Variants in COMMD10 observed in about 807,000 individuals in gnomAD.
COMMD10 encodes COMM domain-containing protein 10.
Under a neutral mutation model 28.9 loss-of-function variants are expected in COMMD10, and 33 were observed. That is an observed-to-expected ratio of 1.14 (90% CI 0.87 to 1.53). COMMD10 has a LOEUF of 1.53. Among genes scored for constraint, COMMD10 ranks in the 40% most tolerant of loss-of-function variants. COMMD10 has a pLI of 0.00. For missense variants in COMMD10, 310 were observed against 233.4 expected, an observed-to-expected ratio of 1.33 and a Z score of -2.14; for synonymous variants, 110 against 81.7, an observed-to-expected ratio of 1.35 and a Z score of -1.87.
chr5:116,274,077 A>G (rs908399256), intron 5 of COMMD10, among the ~76,000 whole-genome samples: 13 of 151,698 alleles, frequency 8.6e-5, no homozygotes, highest in African/African-American at 2.9e-4. Context: ...AACCTTTCCT[A>G]TAAAACAGCA....
intron 5 of COMMD10, among the ~76,000 whole-genome samples, chr5:116,158,991 A>G (rs144464684): frequency 1.3e-5 from 2 of 152,142 alleles, no homozygotes; most frequent in Admixed American, 1.3e-4. Flanking sequence ...AATGTAGTCC[A>G]GGAAATTTTA....
At chr5:116,191,327 G>A (rs1748364148) in intron 5 of COMMD10, among the ~76,000 whole-genome samples, 1 of 152,060 alleles carries the variant, frequency 6.6e-6, no homozygotes, top group Non-Finnish European at 1.5e-5. Context: ...AAATCTGGAG[G>A]GCACACTCAA....
intron 5 of COMMD10, among the ~76,000 whole-genome samples, chr5:116,288,493 G>T (rs1449102754): frequency 6.6e-6 from 1 of 151,730 alleles, no homozygotes; most frequent in Middle Eastern, 3.2e-3. Context: ...TCCACAGATT[G>T]GGGAAGTTTT....
intron 5 of COMMD10, among the ~76,000 whole-genome samples, chr5:116,173,922 A>G (rs1318508253): frequency 2.0e-5 from 3 of 151,844 alleles, no homozygotes; most frequent in African/African-American, 7.3e-5. Context: ...TTATTCAACA[A>G]ACATCTATTG....
At chr5:116,246,643 A>G (rs560892480) in intron 5 of COMMD10, among the ~76,000 whole-genome samples, 1 of 152,254 alleles carries the variant, frequency 6.6e-6, no homozygotes, top group African/African-American at 2.4e-5. Flanking sequence ...AAAAAGACAC[A>G]TAGCCTAATG....
In COMMD10 at chr5:116,221,081, CTT is replaced by C. The variant is rs70978610; in HGVS notation, c.511-70420_511-70419del. Among the ~76,000 whole-genome samples the C allele has an allele frequency of 4.8e-3, 691 of 142,490 alleles. 3 individuals carry two copies. The highest frequency in any genetic ancestry group is 0.029 in the East Asian group (144 of 4,882). 93.5% of individuals were successfully genotyped at this position (142,490 alleles called of 152,430 possible). On this transcript the variant is annotated intron_variant, in intron 5 of 6. Transcript: ENST00000274458. ...CATTAAGTTTTCCCTTTGAGATACT[CTT>C]TTTTTTTTTTTTTTTAACTGTTCCA... is the stretch of plus-strand genomic sequence containing the variant.
rs935525275 is a variant in COMMD10 at position 116,111,084 on chromosome 5, C to G, written c.399+18384C>G. On this transcript the variant is annotated intron_variant, in intron 4 of 6. Transcript: ENST00000274458. Reference sequence around the variant, plus strand: ...TGAACATGTAGTTGTTCATAATAGTCTCTGATGATCTTTTGAATTTTTCTC... The same window carrying G: ...TGAACATGTAGTTGTTCATAATAGTGTCTGATGATCTTTTGAATTTTTCTC... Among the ~76,000 whole-genome samples, 8 of 152,144 alleles carry G rather than the reference C, an allele frequency of 5.3e-5. No individual in the cohort carries two copies. In the East Asian group the frequency reaches 1.5e-3, roughly 29 times the overall value.
chr5:116,208,167 A>G (rs1030722138), intron 5 of COMMD10, among the ~76,000 whole-genome samples: 2 of 152,162 alleles, frequency 1.3e-5, no homozygotes, highest in Non-Finnish European at 2.9e-5. Flanking sequence ...CAATGCATGT[A>G]AAACATTTGG....
chr5:116,112,075 T>C (rs1751062449), intron 4 of COMMD10, among the ~76,000 whole-genome samples: 1 of 152,218 alleles, frequency 6.6e-6, no homozygotes, highest in Non-Finnish European at 1.5e-5. Flanking sequence ...AGGACTCCTT[T>C]GAACATTTCT....
At chr5:116,128,424 CAG>C (rs1751734287) in intron 4 of COMMD10, among the ~76,000 whole-genome samples, 1 of 151,820 alleles carries the variant, frequency 6.6e-6, no homozygotes, top group South Asian at 2.1e-4. Context: ...TAAGGACCCT[CAG>C]ATTTAAATTT....
intron 5 of COMMD10, among the ~76,000 whole-genome samples, chr5:116,227,895 A>T (rs887353123): frequency 6.6e-6 from 1 of 152,108 alleles, no homozygotes; most frequent in Non-Finnish European, 1.5e-5. Context: ...AAAATCACTT[A>T]TCACACTGCA....
intron 5 of COMMD10, among the ~76,000 whole-genome samples, chr5:116,201,504 A>G (rs1748664975): frequency 6.6e-6 from 1 of 152,196 alleles, no homozygotes; most frequent in Non-Finnish European, 1.5e-5. Flanking sequence ...TTTCTACTCC[A>G]ATAAGTTACA....
chr5:116,284,122 A>T (rs1461122392), intron 5 of COMMD10, among the ~76,000 whole-genome samples: 6 of 151,750 alleles, frequency 4.0e-5, no homozygotes, highest in Non-Finnish European at 8.8e-5. Flanking sequence ...ACAGAGCAAG[A>T]CCCCATCTCA....
intron 5 of COMMD10, among the ~76,000 whole-genome samples, chr5:116,142,687 T>C (rs992632447): frequency 1.3e-5 from 2 of 151,740 alleles, no homozygotes; most frequent in African/African-American, 4.8e-5. Flanking sequence ...AGCCCAGATA[T>C]TTTTGTAATA....
At chr5:116,135,981 T>C (rs1327457229) in intron 5 of COMMD10, among the ~76,000 whole-genome samples, 2 of 152,208 alleles carry the variant, frequency 1.3e-5, no homozygotes, top group African/African-American at 4.8e-5. Flanking sequence ...ACCTAGTATA[T>C]GTAAAGTGTT....
intron 5 of COMMD10, among the ~76,000 whole-genome samples, chr5:116,134,382 A>C (rs906784636): frequency 2.0e-5 from 3 of 151,656 alleles, no homozygotes; most frequent in Admixed American, 6.6e-5. Context: ...CTTCTTTTAA[A>C]TTCTGCAGTG....
chr5:116,228,867 GAAAT>G (rs1270773206), intron 5 of COMMD10, among the ~76,000 whole-genome samples: 1 of 151,884 alleles, frequency 6.6e-6, no homozygotes, highest in African/African-American at 2.4e-5. Flanking sequence ...AAAAATTACT[GAAAT>G]AAATAAGCAT....
At chr5:116,126,174 A>G (rs139794028) in intron 4 of COMMD10, among the ~76,000 whole-genome samples, 3,394 of 152,282 alleles carry the variant, frequency 0.022, 60 homozygotes, top group Non-Finnish European at 0.026. Context: ...CCCATTCACA[A>G]TTGCTTCAAA....
At chr5:116,155,231 A>C (rs113492725) in intron 5 of COMMD10, among the ~76,000 whole-genome samples, 3,312 of 152,184 alleles carry the variant, frequency 0.022, 118 homozygotes, top group African/African-American at 0.076. Flanking sequence ...TTCTGGTTGC[A>C]GAGTTTATAG....
Sources: gnomAD v4.1 joint callset for allele counts (sites outside exome capture counted in the v4.1 genomes callset) on GRCh38, gnomAD v4.1.1 for gene constraint, MANE v1.5 for transcripts, NCBI Gene and HGNC (gene_info 2026-07-23, HGNC 2026-07-21) for gene names.